Variants in ZBTB20 observed in about 807,000 individuals in gnomAD.
The protein encoded by ZBTB20 is zinc finger and BTB domain-containing protein 20.
In ZBTB20, 9 loss-of-function variants were observed where a neutral mutation model predicts 56.9. The observed-to-expected ratio is 0.16, with a 90% CI of 0.10 to 0.28. The LOEUF (loss-of-function observed/expected upper bound fraction) is 0.28, where lower values mean the gene tolerates loss of function less well. Ranked by LOEUF, ZBTB20 falls within the 10% of genes least tolerant of loss-of-function variation. ZBTB20 has a pLI of 1.00. For synonymous variants in ZBTB20, 417 were observed against 420.7 expected (o/e 0.99, Z 0.11); for missense variants, 655 against 1,003.0 (o/e 0.65, Z 4.69).
intron 2 of ZBTB20, among the ~76,000 whole-genome samples, chr3:115,069,793 T>G (rs1260340214): frequency 6.6e-6 from 1 of 151,994 alleles, no homozygotes; most frequent in Non-Finnish European, 1.5e-5. Context: ...CTTTTTTTAG[T>G]ATGTTACTTG....
chr3:114,829,825 G>T (rs2073750423), intron 4 of ZBTB20, among the ~76,000 whole-genome samples: 1 of 151,734 alleles, frequency 6.6e-6, no homozygotes, highest in African/African-American at 2.4e-5. Flanking sequence ...CTACTGCAAA[G>T]GTTTCCAGTG....
chr3:114,671,458 C>T (rs1431513832), intron 6 of ZBTB20, among the ~76,000 whole-genome samples: 1 of 152,040 alleles, frequency 6.6e-6, no homozygotes, highest in Non-Finnish European at 1.5e-5. Flanking sequence ...TGAAGGGATC[C>T]AAACTGATAG....
intron 6 of ZBTB20, among the ~76,000 whole-genome samples, chr3:114,528,414 G>A (rs1054299876): frequency 3.3e-5 from 5 of 151,978 alleles, no homozygotes; most frequent in South Asian, 2.1e-4. Context: ...CACAGGAAGA[G>A]GGCACGGGTC....
chr3:115,028,551 C>T, intron 2 of ZBTB20, among the ~76,000 whole-genome samples: 1 of 150,332 alleles, frequency 6.7e-6, no homozygotes, highest in African/African-American at 2.4e-5. Flanking sequence ...GCATATATGG[C>T]TCACATTGTA....
rs532076504 is a variant in ZBTB20 at position 114,746,156 on chromosome 3, G to A, written c.-342-52581C>T. ...ATTGAATACCTACTGAAGCCTTTGG[G>A]AAGACAGTGTTCTTCCCACCACCCC... On this transcript the variant is annotated intron_variant, in intron 5 of 11. Coordinates refer to ENST00000675478, the MANE Select transcript of ZBTB20 (RefSeq NM_001348800.3). 7.8e-4 allele frequency among the ~76,000 whole-genome samples: 119 copies of A among 152,262 alleles called. 1 individual carries two copies. The highest frequency in any genetic ancestry group is 3.4e-3 in the Middle Eastern group (1 of 294).
intron 4 of ZBTB20, among the ~76,000 whole-genome samples, chr3:114,831,195 G>C (rs1377690926): frequency 7.2e-6 from 1 of 138,704 alleles, no homozygotes; most frequent in African/African-American, 2.6e-5. Context: ...CTTGAAACTG[G>C]TTCTTCTGGA....
Position 114,500,391 on chromosome 3 carries a change from T to A in ZBTB20, c.-294A>T, listed in dbSNP as rs2043808096. ...CAGGTCACAGACTGATGGTCAAAGA[T>A]CTGAAAATCAAAGAAAAAATAAGGA... On this transcript the variant is annotated splice_region_variant and 5_prime_UTR_variant, in exon 7 of 12. Transcript: ENST00000675478. 6.6e-6 allele frequency: 1 copy of A among 151,106 alleles called. No homozygotes were observed. The highest frequency in any genetic ancestry group is 2.4e-5 in the African/African-American group (1 of 41,146). The allele number at this position is 151,106 out of a possible 1,614,324, so 9.4% of individuals were successfully genotyped here. A position where few individuals can be genotyped will look rare whatever the true frequency, so the allele number is the denominator to read the frequency against.
At chr3:114,898,172 A>G (rs933919708) in intron 4 of ZBTB20, among the ~76,000 whole-genome samples, 2 of 152,086 alleles carry the variant, frequency 1.3e-5, no homozygotes, top group African/African-American at 4.8e-5. Flanking sequence ...TTTTAGTGAG[A>G]TAGAGATAGG....
chr3:115,105,156 A>T (rs1343319341), intron 1 of ZBTB20, among the ~76,000 whole-genome samples: 1 of 148,672 alleles, frequency 6.7e-6, no homozygotes, highest in Non-Finnish European at 1.5e-5. Flanking sequence ...AAAAATAACA[A>T]ATTTAAAAGG....
chr3:114,673,037 G>A (rs2108184612), intron 6 of ZBTB20, among the ~76,000 whole-genome samples: 1 of 152,218 alleles, frequency 6.6e-6, no homozygotes, highest in South Asian at 2.1e-4. Flanking sequence ...ATCCCACCTT[G>A]TCTTGTGTCA....
In ZBTB20 at chr3:114,597,712, AC is replaced by A. The variant is rs574157480; in HGVS notation, c.-295+95815del. Reference sequence around the variant, plus strand: ...CCCTAGCTGCCTTTTTACTAGCATCACAAAAAGCCTTGGTGTAAGTTATTTT... The same window carrying A: ...CCCTAGCTGCCTTTTTACTAGCATCAAAAAAGCCTTGGTGTAAGTTATTTT... On this transcript the variant is annotated intron_variant, in intron 6 of 11. Coordinates refer to ENST00000675478, the MANE Select transcript of ZBTB20 (RefSeq NM_001348800.3). 2.3e-4 allele frequency among the ~76,000 whole-genome samples: 35 copies of A among 152,282 alleles called. 1 individual carries two copies. The South Asian group carries it at 7.0e-3, about 31-fold the overall frequency.
intron 3 of ZBTB20, among the ~76,000 whole-genome samples, chr3:114,960,271 T>C (rs919494639): frequency 3.3e-5 from 5 of 152,232 alleles, no homozygotes; most frequent in African/African-American, 4.8e-5. Context: ...AAAACTATGT[T>C]AGATATAGGA....
intron 2 of ZBTB20, among the ~76,000 whole-genome samples, chr3:115,056,638 C>T (rs897453496): frequency 1.3e-5 from 2 of 151,806 alleles, no homozygotes; most frequent in African/African-American, 2.4e-5. Flanking sequence ...TTAAAAATAC[C>T]GAACTATACT....
chr3:114,913,673 G>C (rs1201312623), intron 3 of ZBTB20, among the ~76,000 whole-genome samples: 1 of 150,980 alleles, frequency 6.6e-6, no homozygotes, highest in African/African-American at 2.4e-5. Flanking sequence ...GTCCTGGAAA[G>C]TTTCCTCAGT....
intron 2 of ZBTB20, among the ~76,000 whole-genome samples, chr3:115,005,103 A>C (rs527923399): frequency 1.3e-5 from 2 of 151,872 alleles, no homozygotes; most frequent in South Asian, 4.1e-4. Flanking sequence ...ACCCCATTTC[A>C]AAGGAGAGGG....
At chr3:114,942,706 A>G (rs939859522) in intron 3 of ZBTB20, among the ~76,000 whole-genome samples, 2 of 146,152 alleles carry the variant, frequency 1.4e-5, no homozygotes, top group Admixed American at 6.6e-5. Context: ...TTAAAACTCA[A>G]TAGTCTATAA....
intron 7 of ZBTB20, among the ~76,000 whole-genome samples, chr3:114,478,267 A>G (rs1292595086): frequency 2.0e-5 from 3 of 152,280 alleles, no homozygotes; most frequent in South Asian, 4.1e-4. Flanking sequence ...CACCCAGCCT[A>G]GACTTCAGTG....
chr3:115,125,658 AC>A (rs1165290280), intron 1 of ZBTB20, among the ~76,000 whole-genome samples: 1 of 152,214 alleles, frequency 6.6e-6, no homozygotes, highest in Non-Finnish European at 1.5e-5. Flanking sequence ...CAGTATGGTG[AC>A]TATAGTTAAT....
intron 6 of ZBTB20, among the ~76,000 whole-genome samples, chr3:114,602,959 A>G (rs758817213): frequency 6.6e-6 from 1 of 152,018 alleles, no homozygotes; most frequent in Non-Finnish European, 1.5e-5. Context: ...TCTGGAGTAC[A>G]GCAGATGAAT....
Sources: allele counts gnomAD v4.1 joint callset (sites outside exome capture counted in the v4.1 genomes callset), GRCh38; gene constraint gnomAD v4.1.1; transcripts MANE v1.5; gene names NCBI Gene and HGNC (gene_info 2026-07-23, HGNC 2026-07-21).